XYLT1: variants seen among roughly 807,000 people sequenced by gnomAD.
XYLT1 encodes the protein beta-D-xylosyltransferase 1.
Under a neutral mutation model 91.3 loss-of-function variants are expected in XYLT1, and 36 were observed. That is an observed-to-expected ratio of 0.39 (90% CI 0.30 to 0.52). XYLT1 has a LOEUF of 0.52. Among genes scored for constraint, XYLT1 ranks in the 20% least tolerant of loss-of-function variants. The pLI is 0.68. For synonymous variants in XYLT1, 588 were observed against 532.0 expected (o/e 1.11, Z -1.45); for missense variants, 1,242 against 1,284.5 (o/e 0.97, Z 0.51).
intron 1 of XYLT1, among the ~76,000 whole-genome samples, chr16:17,394,024 C>T (rs538462601): frequency 4.6e-5 from 7 of 152,112 alleles, no homozygotes; most frequent in African/African-American, 7.2e-5. Context: ...ATCCACCCAC[C>T]TCGGCCTCCC....
intron 1 of XYLT1, among the ~76,000 whole-genome samples, chr16:17,437,225 T>C (rs2036469742): frequency 6.6e-6 from 1 of 152,120 alleles, no homozygotes. Flanking sequence ...AAAAAAACGA[T>C]GCTTGCCAAA....
intron 1 of XYLT1, among the ~76,000 whole-genome samples, chr16:17,363,196 A>C (rs2035406694): frequency 6.6e-6 from 1 of 152,238 alleles, no homozygotes; most frequent in Non-Finnish European, 1.5e-5. Flanking sequence ...AGAAACCTAA[A>C]GGGACACTGT....
At chr16:17,212,511 C>T (rs890260674) in intron 3 of XYLT1, among the ~76,000 whole-genome samples, 1 of 152,048 alleles carries the variant, frequency 6.6e-6, no homozygotes, top group Admixed American at 6.6e-5. Flanking sequence ...AGAATTTTAC[C>T]CAAACATATC....
intron 7 of XYLT1, among the ~76,000 whole-genome samples, 181 bp downstream of exon 7, chr16:17,140,972 G>A (rs577250614): frequency 5.0e-4 from 76 of 152,292 alleles, no homozygotes; most frequent in African/African-American, 1.6e-3. Flanking sequence ...TCTACTCCAC[G>A]CAGCCTCTGT....
At chr16:17,192,645 G>A (rs2032340328) in intron 5 of XYLT1, among the ~76,000 whole-genome samples, 1 of 152,102 alleles carries the variant, frequency 6.6e-6, no homozygotes, top group South Asian at 2.1e-4. Context: ...GAGCCTACGT[G>A]GACCAGGATG....
intron 1 of XYLT1, among the ~76,000 whole-genome samples, chr16:17,454,592 A>G (rs2036711300): frequency 6.6e-6 from 1 of 151,534 alleles, no homozygotes; most frequent in African/African-American, 2.4e-5. Context: ...GCTGAAGTAC[A>G]GTGGCACAAT....
chr16:17,193,035 A>G (rs2032354867), intron 5 of XYLT1: 1 of 151,756 alleles, frequency 6.6e-6, no homozygotes, highest in South Asian at 2.1e-4. Context: ...CTGGTCTCGA[A>G]CCCCTAACCT....
chr16:17,466,195 C>CAAAGGA, intron 1 of XYLT1, among the ~76,000 whole-genome samples: 2 of 152,170 alleles, frequency 1.3e-5, no homozygotes, highest in East Asian at 3.9e-4. Context: ...TGGGGAAATG[C>CAAAGGA]AAAGGAAAAG....
chr16:17,125,948 T>G lies in XYLT1; in HGVS notation c.2223+1718A>C, dbSNP rs138991831. ...GATTCCCATGTATTGGAGAAATGTA[T>G]CTGAGCTGTTCAGCCACCTGCTGTG... On this transcript the variant is annotated intron_variant, in intron 10 of 11. Coordinates refer to ENST00000261381, the MANE Select transcript of XYLT1 (RefSeq NM_022166.4). Among the ~76,000 whole-genome samples, 817 of 152,292 alleles carry G rather than the reference T, an allele frequency of 5.4e-3. 8 individuals carry two copies. The highest frequency in any genetic ancestry group is 8.9e-3 in the Non-Finnish European group (605 of 68,026).
rs536693608 is a variant in XYLT1 at position 17,224,992 on chromosome 16, C to T, written c.914-24338G>A. On this transcript the variant is annotated intron_variant, in intron 3 of 11. Coordinates refer to ENST00000261381, the MANE Select transcript of XYLT1 (RefSeq NM_022166.4). Reference sequence around the variant, plus strand: ...CTGTGTTCCAATAAAACTTAACTTACGCAACAGGTGGTGGGCCGGATTTGG... The same window carrying T: ...CTGTGTTCCAATAAAACTTAACTTATGCAACAGGTGGTGGGCCGGATTTGG... Among the ~76,000 whole-genome samples, 188 of 152,214 alleles carry T rather than the reference C, an allele frequency of 1.2e-3. 2 individuals are homozygous for T. Among genetic ancestry groups the T allele is most frequent in the Non-Finnish European group, 1.9e-3 (130 of 68,008 alleles).
chr16:17,374,610 T>A (rs1247811284), intron 1 of XYLT1, among the ~76,000 whole-genome samples: 1 of 150,716 alleles, frequency 6.6e-6, no homozygotes, highest in Non-Finnish European at 1.5e-5. Context: ...GCCGTACTAA[T>A]TATTCAACCC....
chr16:17,151,499 T>C (rs911086225), intron 6 of XYLT1, among the ~76,000 whole-genome samples: 2 of 152,164 alleles, frequency 1.3e-5, no homozygotes, highest in Non-Finnish European at 2.9e-5. Context: ...GAGCTGTGTG[T>C]TATTTAATCT....
At chr16:17,276,209 G>A (rs2033971215) in intron 2 of XYLT1, among the ~76,000 whole-genome samples, 1 of 152,230 alleles carries the variant, frequency 6.6e-6, no homozygotes, top group African/African-American at 2.4e-5. Flanking sequence ...ATGAGCATGT[G>A]TTTGCCTTGG....
At chr16:17,349,261 A>T (rs1485480259) in intron 2 of XYLT1, among the ~76,000 whole-genome samples, 2 of 152,246 alleles carry the variant, frequency 1.3e-5, no homozygotes, top group Admixed American at 6.5e-5. Flanking sequence ...GATCTAATCT[A>T]TATCCACATC....
intron 8 of XYLT1, chr16:17,138,111 A>G (rs2030818679): frequency 2.2e-6 from 1 of 449,974 alleles, no homozygotes. Context: ...TATCCCTAAA[A>G]TGGAATAATA....
At chr16:17,449,319 A>T (rs1208423237) in intron 1 of XYLT1, among the ~76,000 whole-genome samples, 1 of 152,262 alleles carries the variant, frequency 6.6e-6, no homozygotes, top group Non-Finnish European at 1.5e-5. Context: ...GGATCTCAGC[A>T]ATTCCACGGG....
At chr16:17,432,510 T>C (rs1346661148) in intron 1 of XYLT1, among the ~76,000 whole-genome samples, 2 of 152,166 alleles carry the variant, frequency 1.3e-5, no homozygotes, top group Non-Finnish European at 2.9e-5. Context: ...GACAGCAGAT[T>C]AGCGGGTGCC....
At chr16:17,403,980 T>C (rs747457151) in intron 1 of XYLT1, among the ~76,000 whole-genome samples, 6 of 152,304 alleles carry the variant, frequency 3.9e-5, no homozygotes, top group Non-Finnish European at 7.3e-5. Flanking sequence ...GACAACGAGA[T>C]TCTCTCTGTG....
chr16:17,140,860 T>C (rs1259246098), intron 7 of XYLT1, among the ~76,000 whole-genome samples: 1 of 152,188 alleles, frequency 6.6e-6, no homozygotes. Context: ...CTGTGTATCA[T>C]GTGATTTTTA....
Sources: gnomAD v4.1 joint callset for allele counts (sites outside exome capture counted in the v4.1 genomes callset) on GRCh38, gnomAD v4.1.1 for gene constraint, MANE v1.5 for transcripts, NCBI Gene and HGNC (gene_info 2026-07-23, HGNC 2026-07-21) for gene names.